TRIO: variants seen among roughly 807,000 people sequenced by gnomAD.
The protein encoded by TRIO is triple functional domain protein.
Under a neutral mutation model 351.9 loss-of-function variants are expected in TRIO, and 58 were observed. That is an observed-to-expected ratio of 0.16 (90% CI 0.13 to 0.21). TRIO has a LOEUF of 0.21. TRIO is among the 10% of genes least tolerant of loss of function. The pLI, the probability that TRIO is intolerant of heterozygous loss-of-function variation, is 1.00. For synonymous variants in TRIO, 1,758 were observed against 1,595.7 expected (o/e 1.10, Z -2.42); for missense variants, 3,201 against 4,027.8 (o/e 0.79, Z 5.56).
In TRIO at chr5:14,508,526, T is replaced by G; in HGVS notation, c.*104T>G. 7.1e-7 allele frequency: 1 copy of G among 1,405,454 alleles called. No individual in the cohort carries two copies. Among genetic ancestry groups the G allele is most frequent in the Non-Finnish European group, 9.6e-7 (1 of 1,036,872 alleles). 87.1% of individuals were successfully genotyped at this position (1,405,454 alleles called of 1,614,324 possible). A position where few individuals can be genotyped will look rare whatever the true frequency, so the allele number is the denominator to read the frequency against. ...ACATAACTGATCAGCTGCCGGTATG[T>G]TCATCGTGTGAAATTGCATTCCAAG... is the stretch of plus-strand genomic sequence containing the variant. On this transcript the variant is annotated 3_prime_UTR_variant, in exon 57 of 57. Coordinates refer to ENST00000344204, the MANE Select transcript of TRIO (RefSeq NM_007118.4).
At chr5:14,373,214 A>G (rs1209730441) in intron 18 of TRIO, among the ~76,000 whole-genome samples, 1 of 152,216 alleles carries the variant, frequency 6.6e-6, no homozygotes. Flanking sequence ...ACAATTCAAG[A>G]TGACATTTGG....
At position 14,259,789 on chromosome 5, in the gene TRIO, G is replaced by GTTT. The variant is rs35558584; in HGVS notation, c.158-11028_158-11026dup. On this transcript the variant is annotated intron_variant, in intron 1 of 56. Coordinates refer to ENST00000344204, the MANE Select transcript of TRIO (RefSeq NM_007118.4). Reference sequence around the variant, plus strand: ...CAAGTTACAAAGTGCCAGGTTTTTTGTTTTTTTTTTGAGTTGTCATAATAG... The same window carrying GTTT: ...CAAGTTACAAAGTGCCAGGTTTTTTGTTTTTTTTTTTTTGAGTTGTCATAATAG... Among the ~76,000 whole-genome samples, 129 of 149,054 alleles carry GTTT rather than the reference G, an allele frequency of 8.7e-4. 2 individuals carry two copies. The South Asian group carries it at 9.2e-3, about 11-fold the overall frequency.
At chr5:14,438,615 CG>C (rs1561491248) in intron 34 of TRIO, among the ~76,000 whole-genome samples, 2 of 152,220 alleles carry the variant, frequency 1.3e-5, no homozygotes, top group African/African-American at 4.8e-5. Flanking sequence ...TCTCCTGAAC[CG>C]AGTCTGTTCA....
chr5:14,421,247 T>TTTA (rs1750122300), intron 34 of TRIO, among the ~76,000 whole-genome samples: 5 of 127,936 alleles, frequency 3.9e-5, no homozygotes, highest in African/African-American at 2.1e-4. Context: ...TTTTATTTTA[T>TTTA]TTTATTTTAT....
chr5:14,222,787 A>AT lies in TRIO; in HGVS notation c.158-48038_158-48037insT, dbSNP rs1361398183. 1.1e-4 allele frequency among the ~76,000 whole-genome samples: 17 copies of AT among 152,318 alleles called. No homozygotes were observed. The South Asian group carries it at 1.5e-3, about 13-fold the overall frequency. ...CCACTTTTCCCTGTTTCCAGGTAAG[A>AT]ATCCTGAAGCCCCAGTTGATCAGAC... On this transcript the variant is annotated intron_variant, in intron 1 of 56. Transcript: ENST00000344204.
chr5:14,196,067 G>T (rs152781), intron 1 of TRIO, among the ~76,000 whole-genome samples: 8,767 of 152,196 alleles, frequency 0.058, 324 homozygotes, highest in African/African-American at 0.1. Flanking sequence ...AAAAAAATCA[G>T]CCATCTAGCA....
chr5:14,211,964 C>CCA (rs1554034314), intron 1 of TRIO, among the ~76,000 whole-genome samples: 65 of 148,370 alleles, frequency 4.4e-4, no homozygotes, highest in African/African-American at 1.6e-3. Flanking sequence ...AAAAAAAAAC[C>CCA]AAAAAAACAA....
rs372401976 is a variant in TRIO at position 14,492,666 on chromosome 5, G to A, written c.7732G>A (p.Val2578Ile). ...DEINVYQGEV[V>I]QILASNQQNM... ...GATCAACGTCTACCAAGGAGAGGTC[G>A]TTCAAATTCTGGCCAGCAACCAGCA... Residue 2578 changes from valine to isoleucine, a missense_variant, in exon 49 of 57, where the codon GTT becomes ATT. Val to Ile is a conservative substitution (Grantham distance 29). Coordinates refer to ENST00000344204, the MANE Select transcript of TRIO (RefSeq NM_007118.4). 38 of 1,614,054 alleles carry A rather than the reference G, an allele frequency of 2.4e-5. No homozygotes were observed. The highest frequency in any genetic ancestry group is 6.7e-5 in the African/African-American group (5 of 74,916).
chr5:14,207,923 A>G (rs991082899), intron 1 of TRIO, among the ~76,000 whole-genome samples: 2 of 152,234 alleles, frequency 1.3e-5, no homozygotes, highest in African/African-American at 2.4e-5. Flanking sequence ...GATGTTCAAT[A>G]TCATTAGTCA....
At position 14,389,381 on chromosome 5, in the gene TRIO, C is replaced by A. The variant is rs775441553; in HGVS notation, c.4041C>A (p.Ile1347=). ...TCATCTTCGGAAACATGCAAGAAAT[C>A]TACGAATTTCATAATAAGTGAGTGG... The part of the protein sequence containing the change: ...ELIIFGNMQE[I]YEFHNNIFLK... Residue 1347 remains isoleucine, a synonymous_variant, in exon 25 of 57, where the codon ATC becomes ATA. Transcript: ENST00000344204. 2 of 1,609,810 alleles carry A rather than the reference C, an allele frequency of 1.2e-6. No individual in the cohort carries two copies. The highest frequency in any genetic ancestry group is 1.7e-6 in the Non-Finnish European group (2 of 1,178,342).
At chr5:14,318,279 C>CAA (rs759632595) in intron 9 of TRIO, among the ~76,000 whole-genome samples, 467 of 46,468 alleles carry the variant, frequency 0.01, 25 homozygotes, top group African/African-American at 0.03. Flanking sequence ...GACTCTATCT[C>CAA]AAAAAAAAAA....
chr5:14,255,371 T>C (rs1254549299), intron 1 of TRIO, among the ~76,000 whole-genome samples: 1 of 152,134 alleles, frequency 6.6e-6, no homozygotes, highest in East Asian at 1.9e-4. Context: ...ATAGCAAAAA[T>C]GAGAGACAAA....
At chr5:14,426,680 G>A (rs1165626750) in intron 34 of TRIO, among the ~76,000 whole-genome samples, 2 of 152,168 alleles carry the variant, frequency 1.3e-5, no homozygotes, top group African/African-American at 2.4e-5. Context: ...GCGAGTCTCC[G>A]CAGATGGCCG....
At chr5:14,251,422 G>A (rs1387655989) in intron 1 of TRIO, among the ~76,000 whole-genome samples, 1 of 152,194 alleles carries the variant, frequency 6.6e-6, no homozygotes, top group Non-Finnish European at 1.5e-5. Context: ...ACCCAAATCC[G>A]AGATTCTTAA....
chr5:14,349,242 T>C (rs1026704685), intron 11 of TRIO, among the ~76,000 whole-genome samples: 6 of 150,028 alleles, frequency 4.0e-5, no homozygotes, highest in African/African-American at 1.2e-4. Flanking sequence ...TGTTTGTGTG[T>C]GCACACACGT....
chr5:14,348,199 C>A (rs1742612457), intron 11 of TRIO, among the ~76,000 whole-genome samples: 1 of 152,086 alleles, frequency 6.6e-6, no homozygotes, highest in East Asian at 1.9e-4. Context: ...CTGGGCAAAA[C>A]TGACTTGAGG....
intron 1 of TRIO, chr5:14,183,760 G>GAA (rs1789937374): frequency 1.9e-6 from 1 of 519,064 alleles, no homozygotes; most frequent in African/African-American, 1.9e-5. Context: ...GAAGGCATGC[G>GAA]GCCGCAGTTA....
chr5:14,466,466 A>T (rs1754271368), intron 37 of TRIO: 1 of 152,178 alleles, frequency 6.6e-6, no homozygotes, highest in African/African-American at 2.4e-5. Context: ...CCCCAAATTA[A>T]ATGTTGGTTC....
At chr5:14,469,449 A>G (rs942898942) in intron 37 of TRIO, among the ~76,000 whole-genome samples, 11 of 152,252 alleles carry the variant, frequency 7.2e-5, no homozygotes, top group Non-Finnish European at 1.3e-4. Context: ...ATTTATCAAA[A>G]TTAATCTCAT....
Sources: allele counts gnomAD v4.1 joint callset (sites outside exome capture counted in the v4.1 genomes callset), GRCh38; gene constraint gnomAD v4.1.1; transcripts MANE v1.5; gene names NCBI Gene and HGNC (gene_info 2026-07-23, HGNC 2026-07-21).